MEF2C: variants seen among roughly 807,000 people sequenced by gnomAD.
MEF2C encodes myocyte enhancer factor 2C.
Under a neutral mutation model 50.5 loss-of-function variants are expected in MEF2C, and 6 were observed. That is an observed-to-expected ratio of 0.12 (90% CI 0.07 to 0.23). The LOEUF (loss-of-function observed/expected upper bound fraction) is 0.23. Ranked by LOEUF, MEF2C falls within the 10% of genes least tolerant of loss-of-function variation. The probability of loss-of-function intolerance (pLI) is 1.00; values close to 1 mark genes in which losing one functional copy is unlikely to be tolerated. For synonymous variants in MEF2C, 183 were observed against 228.0 expected, an observed-to-expected ratio of 0.80 and a Z score of 1.78; for missense variants, 276 against 605.0, an observed-to-expected ratio of 0.46 and a Z score of 5.70.
chr5:88,779,710 C>T (rs1349098760), intron 3 of MEF2C, among the ~76,000 whole-genome samples: 1 of 150,898 alleles, frequency 6.6e-6, no homozygotes, highest in East Asian at 1.9e-4. Context: ...TATCTTTTTC[C>T]CCCAGAAAGT....
At chr5:88,731,945 CA>C (rs1446781484) in intron 6 of MEF2C, 44 bp from the exon 7 acceptor site, 2 of 1,550,502 alleles carry the variant, frequency 1.3e-6, no homozygotes, top group Non-Finnish European at 1.8e-6. Flanking sequence ...AAATCTAGGT[CA>C]AATACGTTTC....
chr5:88,867,065 C>A (rs1427734692), intron 1 of MEF2C, among the ~76,000 whole-genome samples: 1 of 152,124 alleles, frequency 6.6e-6, no homozygotes, highest in Non-Finnish European at 1.5e-5. Context: ...TATATTTTCG[C>A]AAATAGTAAG....
chr5:88,861,532 T>C (rs923880808), intron 1 of MEF2C, among the ~76,000 whole-genome samples: 1 of 152,164 alleles, frequency 6.6e-6, no homozygotes, highest in African/African-American at 2.4e-5. Flanking sequence ...TCTCAGCTAC[T>C]GCACGAAGTG....
intron 1 of MEF2C, among the ~76,000 whole-genome samples, chr5:88,850,769 T>A (rs1821034453): frequency 6.6e-6 from 1 of 151,992 alleles, no homozygotes; most frequent in African/African-American, 2.4e-5. Flanking sequence ...AAAGAATATA[T>A]ATGTACAGTT....
intron 1 of MEF2C, among the ~76,000 whole-genome samples, chr5:88,851,692 A>G (rs1249815572): frequency 6.6e-6 from 1 of 152,148 alleles, no homozygotes; most frequent in African/African-American, 2.4e-5. Context: ...GGCTAACTTA[A>G]TTAAGGTTTA....
rs1374178702 is a variant in MEF2C, at chr5:88,718,238, G to A, written c.*4366C>T. 1 of 152,184 alleles carries A rather than the reference G, an allele frequency of 6.6e-6. No homozygotes were observed. The highest frequency in any genetic ancestry group is 1.9e-4 in the East Asian group (1 of 5,200). The allele number at this position is 152,184 out of a possible 1,614,324, so 9.4% of individuals were successfully genotyped here. On this transcript the variant is annotated 3_prime_UTR_variant, in exon 11 of 11. Coordinates refer to ENST00000504921, the MANE Select transcript of MEF2C (RefSeq NM_002397.5). ...TTTAAAAAAATGCACCACGGACACT[G>A]CATCACTAAGAAAGCCAGTAACTTT...
chr5:88,758,378 T>C lies in MEF2C; in HGVS notation c.402+2807A>G, dbSNP rs181043341. ...TTGCTGTGAAGCCCAGCATGAACCA[T>C]GGCGAACCCAGCATGAGGAAATGCT... On this transcript the variant is annotated intron_variant, in intron 4 of 10. Transcript: ENST00000504921. 1.1e-4 allele frequency among the ~76,000 whole-genome samples: 16 copies of C among 152,234 alleles called. 1 individual carries two copies. Among genetic ancestry groups the C allele is most frequent in the Admixed American group, 1.0e-3 (16 of 15,294 alleles).
At chr5:88,876,195 C>T (rs995793704) in intron 1 of MEF2C, among the ~76,000 whole-genome samples, 1 of 150,918 alleles carries the variant, frequency 6.6e-6, no homozygotes, top group Non-Finnish European at 1.5e-5. Flanking sequence ...TAGACACATA[C>T]GTTCTGTTCA....
intron 2 of MEF2C, among the ~76,000 whole-genome samples, chr5:88,811,194 G>T (rs1207647431): frequency 6.6e-6 from 1 of 152,080 alleles, no homozygotes; most frequent in Non-Finnish European, 1.5e-5. Context: ...GAACAATCTG[G>T]CATGAGGAAC....
intron 1 of MEF2C, chr5:88,844,574 A>C (rs141818553): frequency 2.8e-6 from 2 of 721,346 alleles, no homozygotes; most frequent in Non-Finnish European, 3.4e-6. Context: ...CTCTTTGAAA[A>C]CTGGGAAAAT....
intron 6 of MEF2C, chr5:88,732,878 A>G (rs1225882763): frequency 1.8e-5 from 3 of 167,046 alleles, no homozygotes; most frequent in Non-Finnish European, 3.7e-5. Context: ...TGTTTTCTGA[A>G]GCTTTCTAAA....
chr5:88,855,258 T>A (rs1822877515), intron 1 of MEF2C, among the ~76,000 whole-genome samples: 1 of 152,228 alleles, frequency 6.6e-6, no homozygotes, highest in Admixed American at 6.5e-5. Context: ...CATATTCAAG[T>A]TTATTTTCTT....
At chr5:88,808,608 A>T (rs1211509725) in intron 2 of MEF2C, among the ~76,000 whole-genome samples, 1 of 152,198 alleles carries the variant, frequency 6.6e-6, no homozygotes, top group Non-Finnish European at 1.5e-5. Context: ...TAAAGCACGT[A>T]AGAAAATATC....
intron 2 of MEF2C, among the ~76,000 whole-genome samples, chr5:88,815,385 T>C (rs986100426): frequency 6.6e-5 from 10 of 152,092 alleles, no homozygotes; most frequent in African/African-American, 2.4e-4. Flanking sequence ...GACAGAAGGC[T>C]GTCTCCCTTA....
At chr5:88,875,589 G>C (rs768963499) in intron 1 of MEF2C, among the ~76,000 whole-genome samples, 2 of 151,834 alleles carry the variant, frequency 1.3e-5, no homozygotes, top group Non-Finnish European at 2.9e-5. Context: ...CACACCTATT[G>C]TTTTATGTAT....
chr5:88,847,169 C>T (rs1035409608), intron 1 of MEF2C, among the ~76,000 whole-genome samples: 1 of 152,130 alleles, frequency 6.6e-6, no homozygotes, highest in Non-Finnish European at 1.5e-5. Context: ...AGAGTGTAGA[C>T]ATATTGGCTT....
chr5:88,723,986 A>G (rs1319360848), intron 10 of MEF2C, among the ~76,000 whole-genome samples: 1 of 152,224 alleles, frequency 6.6e-6, no homozygotes, highest in Non-Finnish European at 1.5e-5. Context: ...AGGATAAACC[A>G]TAGTGGCATT....
In MEF2C at chr5:88,780,810, A is replaced by G. The variant is rs1209059924; in HGVS notation, c.259-19482T>C. ...TGTGTTATCCTTGCTAATTACTTCC[A>G]TTGTCTTGAAATCTCAATCAACCTA... is the stretch of plus-strand genomic sequence containing the variant. On this transcript the variant is annotated intron_variant, in intron 3 of 10. Coordinates refer to ENST00000504921, the MANE Select transcript of MEF2C (RefSeq NM_002397.5). 7 of 985,234 alleles carry G rather than the reference A, an allele frequency of 7.1e-6. No homozygotes were observed. In the East Asian group the frequency reaches 4.5e-4, roughly 64 times the overall value. 61.0% of individuals were successfully genotyped at this position (985,234 alleles called of 1,614,324 possible). A position where few individuals can be genotyped will look rare whatever the true frequency, so the allele number is the denominator to read the frequency against.
chr5:88,860,322 G>GTT (rs1825058827), intron 1 of MEF2C, among the ~76,000 whole-genome samples: 1 of 149,572 alleles, frequency 6.7e-6, no homozygotes, highest in East Asian at 1.9e-4. Context: ...CTATTTGTAT[G>GTT]CTTTTTTTTT....
Sources: gnomAD v4.1 joint callset for allele counts (sites outside exome capture counted in the v4.1 genomes callset) on GRCh38, gnomAD v4.1.1 for gene constraint, MANE v1.5 for transcripts, NCBI Gene and HGNC (gene_info 2026-07-23, HGNC 2026-07-21) for gene names.